CERS3: variants seen among roughly 807,000 people sequenced by gnomAD.
CERS3 encodes ceramide synthase 3.
A neutral mutation model predicts 50.3 loss-of-function variants in CERS3; 33 were observed. That is an observed-to-expected ratio of 0.66 (90% confidence interval 0.50 to 0.88). The LOEUF is 0.88. Among genes scored for constraint, CERS3 ranks in the 40% least tolerant of loss-of-function variants. CERS3 has a pLI of 0.00. For synonymous variants in CERS3, 176 were observed against 155.2 expected (o/e 1.13, Z -0.99); for missense variants, 470 against 460.3 (o/e 1.02, Z -0.19).
At chr15:100,415,807 GA>G (rs2031856378) in intron 11 of CERS3, among the ~76,000 whole-genome samples, 3 of 28,662 alleles carry the variant, frequency 1.0e-4, no homozygotes, top group Non-Finnish European at 1.8e-4. Context: ...GGGAGTGAGG[GA>G]GGGGAGGGAG....
intron 3 of CERS3, among the ~76,000 whole-genome samples, chr15:100,498,643 G>GC (rs980948442): frequency 1.3e-5 from 2 of 152,062 alleles, no homozygotes; most frequent in African/African-American, 4.8e-5. Flanking sequence ...CACCCAGACG[G>GC]CCCCCCCTTT....
rs866560284 is a variant in CERS3, at chr15:100,462,807, C to T, written c.845+6571G>A. Among the ~76,000 whole-genome samples the T allele has an allele frequency of 8.5e-5, 13 of 152,258 alleles. No individual in the cohort carries two copies. In the East Asian group the frequency reaches 1.4e-3, roughly 16 times the overall value. On this transcript the variant is annotated intron_variant, in intron 10 of 11. Coordinates refer to ENST00000679737, the MANE Select transcript of CERS3 (RefSeq NM_001378789.1). ...AGATGAATGACAGCTAAATGCAATA[C>T]GTGATCTGGAGCTGGATCCCCACAC...
intron 2 of CERS3, among the ~76,000 whole-genome samples, chr15:100,506,205 C>G (rs986989141): frequency 2.0e-5 from 3 of 151,986 alleles, no homozygotes; most frequent in African/African-American, 4.8e-5. Context: ...TGAGAAGGGA[C>G]TTGTGGTTAG....
intron 3 of CERS3, among the ~76,000 whole-genome samples, chr15:100,498,159 G>C (rs568132113): frequency 1.3e-5 from 2 of 152,202 alleles, no homozygotes; most frequent in Admixed American, 6.5e-5. Context: ...CTCCCAAAGT[G>C]CTGGAATTAC....
At chr15:100,423,486 G>A (rs2032598631) in intron 11 of CERS3, among the ~76,000 whole-genome samples, 2 of 152,222 alleles carry the variant, frequency 1.3e-5, no homozygotes, top group South Asian at 4.2e-4. Context: ...GATGCAGCTG[G>A]AGGCCATTAT....
intron 1 of CERS3, among the ~76,000 whole-genome samples, chr15:100,541,067 G>A (rs1457625396): frequency 6.6e-6 from 1 of 151,994 alleles, no homozygotes; most frequent in Non-Finnish European, 1.5e-5. Flanking sequence ...GTTAGAAAAA[G>A]CTAGGGCATC....
chr15:100,492,152 T>C (rs377201944), intron 3 of CERS3, among the ~76,000 whole-genome samples: 2 of 152,344 alleles, frequency 1.3e-5, no homozygotes, highest in African/African-American at 4.8e-5. Context: ...TTTTTGTGCA[T>C]GTGAGAAGAA....
chr15:100,525,632 A>G (rs1276916934), intron 1 of CERS3, among the ~76,000 whole-genome samples: 1 of 152,190 alleles, frequency 6.6e-6, no homozygotes, highest in Non-Finnish European at 1.5e-5. Flanking sequence ...TTTTGTTACA[A>G]GGTCAAAGAT....
At chr15:100,417,852 A>T (rs2032075642) in intron 11 of CERS3, among the ~76,000 whole-genome samples, 1 of 151,932 alleles carries the variant, frequency 6.6e-6, no homozygotes, top group Admixed American at 6.5e-5. Flanking sequence ...GTATTCCAAC[A>T]GACCTGCAGC....
At chr15:100,448,175 G>A (rs1470019767) in intron 11 of CERS3, among the ~76,000 whole-genome samples, 1 of 152,098 alleles carries the variant, frequency 6.6e-6, no homozygotes, top group Non-Finnish European at 1.5e-5. Context: ...ACTCATTAGG[G>A]GATTCTTTAA....
In CERS3 at chr15:100,449,988, G is replaced by A. The variant is rs148028254; in HGVS notation, c.999+5905C>T. Among the ~76,000 whole-genome samples the A allele has an allele frequency of 8.2e-3, 1,246 of 152,026 alleles. 23 individuals are homozygous for A. Among genetic ancestry groups the A allele is most frequent in the Admixed American group, 0.049 (752 of 15,274 alleles). ...AGAGAACACAGATAAACAATACAAG[G>A]AAATCAGAAAAACAATTCATAATGT... On this transcript the variant is annotated intron_variant, in intron 11 of 11. Coordinates refer to ENST00000679737, the MANE Select transcript of CERS3 (RefSeq NM_001378789.1).
chr15:100,404,556 A>G (rs760740666), intron 11 of CERS3, among the ~76,000 whole-genome samples: 5 of 152,214 alleles, frequency 3.3e-5, no homozygotes, highest in Non-Finnish European at 7.3e-5. Context: ...TCCCCAAATT[A>G]TCCTGTAGAT....
At chr15:100,417,241 G>T (rs1052950699) in intron 11 of CERS3, among the ~76,000 whole-genome samples, 1 of 151,790 alleles carries the variant, frequency 6.6e-6, no homozygotes, top group African/African-American at 2.4e-5. Flanking sequence ...TGCGTGAGCC[G>T]AAGCAGGGCG....
chr15:100,494,337 T>C (rs2035748574), intron 3 of CERS3, among the ~76,000 whole-genome samples: 1 of 149,638 alleles, frequency 6.7e-6, no homozygotes, highest in African/African-American at 2.5e-5. Context: ...AAGCTCCACC[T>C]CCCAGGTTCA....
chr15:100,519,360 T>C (rs2036580134), intron 2 of CERS3, among the ~76,000 whole-genome samples: 1 of 152,134 alleles, frequency 6.6e-6, no homozygotes, highest in African/African-American at 2.4e-5. Flanking sequence ...GATTCAGAGT[T>C]CCTCGATGTT....
At chr15:100,481,602 C>T (rs927180687) in intron 5 of CERS3, among the ~76,000 whole-genome samples, 2 of 152,268 alleles carry the variant, frequency 1.3e-5, no homozygotes, top group Admixed American at 6.5e-5. Flanking sequence ...GCTGCGCACA[C>T]ATGCGCTATG....
intron 11 of CERS3, among the ~76,000 whole-genome samples, chr15:100,411,781 G>T (rs564909033): frequency 2.8e-4 from 43 of 152,076 alleles, no homozygotes; most frequent in African/African-American, 9.9e-4. Flanking sequence ...GTTATGTTCG[G>T]TTTTTTTAAT....
chr15:100,438,375 A>T (rs1340134003), intron 11 of CERS3, among the ~76,000 whole-genome samples: 1 of 151,840 alleles, frequency 6.6e-6, no homozygotes, highest in African/African-American at 2.4e-5. Context: ...ATTTTTTGAA[A>T]TTTTTGTGGG....
chr15:100,474,702 C>T (rs1285607029), intron 8 of CERS3, among the ~76,000 whole-genome samples: 2 of 152,226 alleles, frequency 1.3e-5, no homozygotes, highest in African/African-American at 2.4e-5. Flanking sequence ...TGCGCCCAGC[C>T]TCAGGAAGTA....
Sources: gnomAD v4.1 joint callset for allele counts (sites outside exome capture counted in the v4.1 genomes callset) on GRCh38, gnomAD v4.1.1 for gene constraint, MANE v1.5 for transcripts, NCBI Gene and HGNC (gene_info 2026-07-23, HGNC 2026-07-21) for gene names.